The following PCDHGA10 variants were observed in gnomAD, a reference collection of about 807,000 sequenced individuals.
PCDHGA10 encodes protocadherin gamma subfamily A, 10, also known as protocadherin gamma-A10.
Under a neutral mutation model 59.5 loss-of-function variants are expected in PCDHGA10, and 42 were observed. The ratio of observed to expected loss-of-function variants is 0.71; its 90% CI spans 0.55 to 0.91. PCDHGA10 has a LOEUF of 0.91. Ranked by LOEUF, PCDHGA10 falls within the 40% of genes least tolerant of loss-of-function variation. The pLI, the probability that PCDHGA10 is intolerant of heterozygous loss-of-function variation, is 0.00. For synonymous variants in PCDHGA10, 511 were observed against 517.2 expected (o/e 0.99, Z 0.16); for missense variants, 1,111 against 1,198.2 (o/e 0.93, Z 1.07).
Position 141,432,826 on chromosome 5 carries a change from CACTCTGTACCT to C in PCDHGA10, c.2436+17216_2436+17226del, listed in dbSNP as rs1251102522. 6.2e-7 allele frequency: 1 copy of C among 1,614,096 alleles called. No homozygotes were observed. Among genetic ancestry groups the C allele is most frequent in the Non-Finnish European group, 8.5e-7 (1 of 1,180,020 alleles). On this transcript the variant is annotated intron_variant, in intron 1 of 3. Coordinates refer to ENST00000398610, the MANE Select transcript of PCDHGA10 (RefSeq NM_018913.3). This position sits in a 1 kb window ranked among gnomAD's most constrained non-coding sequence, Gnocchi z 6.0. Reference sequence around the variant, plus strand: ...CAGCTAACTCTGAAACCTCAGACCTCACTCTGTACCTGGTGGTAGCGGTGGCCGCGGTCTCC... The same window carrying C: ...CAGCTAACTCTGAAACCTCAGACCTCGGTGGTAGCGGTGGCCGCGGTCTCC...
chr5:141,417,528 A>G, intron 1 of PCDHGA10: 1 of 277,368 alleles, frequency 3.6e-6, no homozygotes, highest in Non-Finnish European at 6.7e-6. Context: ...GTCAACTCGT[A>G]GTTTAAAAAA....
At position 141,487,444 on chromosome 5, in the gene PCDHGA10, T is replaced by G; in HGVS notation, c.2437-7363T>G. 1 of 1,614,194 alleles carries G rather than the reference T, an allele frequency of 6.2e-7. No individual in the cohort carries two copies. The highest frequency in any genetic ancestry group is 8.5e-7 in the Non-Finnish European group (1 of 1,180,040). ...TCCTCCGAATCCAGCTAGGGTCAGA[T>G]GACCCTATCAAGTTTGTTGATGTGG... On this transcript the variant is annotated intron_variant, in intron 1 of 3. Transcript: ENST00000398610. This position sits in a 1 kb window ranked among gnomAD's most constrained non-coding sequence, Gnocchi z 5.0.
Position 141,486,734 on chromosome 5 carries a change from C to A in PCDHGA10, c.2437-8073C>A. ...CCAGACAGGAGCTGTTCATGCTACT[C>A]GATCCTTTGACTATGAGCAAACCCA... On this transcript the variant is annotated intron_variant, in intron 1 of 3. Transcript: ENST00000398610. The surrounding 1 kb of genome is among the most constrained non-coding windows in gnomAD (Gnocchi z 5.0). The A allele has an allele frequency of 1.2e-6, 2 of 1,614,188 alleles. No homozygotes were observed. Among genetic ancestry groups the A allele is most frequent in the Non-Finnish European group, 1.7e-6 (2 of 1,180,040 alleles).
Position 141,432,949 on chromosome 5 carries a change from C to T in PCDHGA10, c.2436+17338C>T. 1.2e-6 allele frequency: 2 copies of T among 1,614,184 alleles called. No homozygotes were observed. Among genetic ancestry groups the T allele is most frequent in the Non-Finnish European group, 1.7e-6 (2 of 1,180,040 alleles). On this transcript the variant is annotated intron_variant, in intron 1 of 3. Coordinates refer to ENST00000398610, the MANE Select transcript of PCDHGA10 (RefSeq NM_018913.3). This position sits in a 1 kb window ranked among gnomAD's most constrained non-coding sequence, Gnocchi z 6.0. Reference sequence around the variant, plus strand: ...CACGCCTGCTGCAGGCTTCAGGAGGCGGCTTGACAGGAGCGCCGGCGTCGC... The same window carrying T: ...CACGCCTGCTGCAGGCTTCAGGAGGTGGCTTGACAGGAGCGCCGGCGTCGC...
At position 141,431,808 on chromosome 5, in the gene PCDHGA10, C is replaced by A. The variant is rs2097419249; in HGVS notation, c.2436+16197C>A. Reference sequence around the variant, plus strand: ...GACAATGCCCCAGAAGTGGTCCTCACCTCTCTCGCCAGCTCGGTTCCCGAA... The same window carrying A: ...GACAATGCCCCAGAAGTGGTCCTCAACTCTCTCGCCAGCTCGGTTCCCGAA... On this transcript the variant is annotated intron_variant, in intron 1 of 3. Transcript: ENST00000398610. The surrounding 1 kb of genome is among the most constrained non-coding windows in gnomAD (Gnocchi z 4.8). The A allele has an allele frequency of 6.2e-7, 1 of 1,614,236 alleles. No individual in the cohort carries two copies. Among genetic ancestry groups the A allele is most frequent in the Non-Finnish European group, 8.5e-7 (1 of 1,180,040 alleles).
At chr5:141,503,554 G>A (rs1395044357) in intron 2 of PCDHGA10, among the ~76,000 whole-genome samples, 11 of 149,146 alleles carry the variant, frequency 7.4e-5, no homozygotes, top group East Asian at 3.9e-4. Flanking sequence ...AGCCGAGATC[G>A]CGCCACTGTA....
intron 1 of PCDHGA10, among the ~76,000 whole-genome samples, chr5:141,448,617 T>C (rs1318664360): frequency 2.0e-5 from 3 of 152,150 alleles, no homozygotes; most frequent in Non-Finnish European, 2.9e-5. Flanking sequence ...ACTTTATATC[T>C]TCCTTTCTTC....
chr5:141,474,169 T>C (rs1268235616), intron 1 of PCDHGA10, among the ~76,000 whole-genome samples: 2 of 152,232 alleles, frequency 1.3e-5, no homozygotes, highest in Non-Finnish European at 2.9e-5. Context: ...GGCCTTATTA[T>C]TGAGAAAACT....
chr5:141,426,276 C>A, intron 1 of PCDHGA10: 1 of 164,340 alleles, frequency 6.1e-6, no homozygotes, highest in South Asian at 1.6e-4. Context: ...TGCAGCAACG[C>A]ATGGGAAGGA....
Position 141,414,590 on chromosome 5 carries a change from G to A in PCDHGA10, c.1415G>A (p.Gly472Asp). 1 of 1,613,936 alleles carries A rather than the reference G, an allele frequency of 6.2e-7. No individual in the cohort carries two copies. Among genetic ancestry groups the A allele is most frequent in the Non-Finnish European group, 8.5e-7 (1 of 1,179,876 alleles). ...TATATCCCAGAGAACAACGCCAGGG[G>A]TGCCTCCATCTTCTCAGTGACAGCG... ...FTYIPENNAR[G>D]ASIFSVTALD... Residue 472 changes from glycine to aspartate, a missense_variant, in exon 1 of 4, where the codon GGT becomes GAT. By Grantham distance (94) the Gly-to-Asp change is moderately conservative (BLOSUM62 -1). Coordinates refer to ENST00000398610, the MANE Select transcript of PCDHGA10 (RefSeq NM_018913.3).
chr5:141,500,461 G>A (rs1343646600), intron 2 of PCDHGA10, among the ~76,000 whole-genome samples: 1 of 151,910 alleles, frequency 6.6e-6, no homozygotes, highest in Non-Finnish European at 1.5e-5. Flanking sequence ...CGCCCGCCTC[G>A]GCCTCCCAAA....
rs1048081343 is a variant in PCDHGA10 at position 141,432,618 on chromosome 5, G to C, written c.2436+17007G>C. 6.2e-7 allele frequency: 1 copy of C among 1,612,806 alleles called. No individual in the cohort carries two copies. Among genetic ancestry groups the C allele is most frequent in the South Asian group, 1.1e-5 (1 of 90,950 alleles). ...AGCGAGCCGGGACTCTTCTCGGTGG[G>C]TCTGCACACGGGCGAGGTGCGCACG... On this transcript the variant is annotated intron_variant, in intron 1 of 3. Transcript: ENST00000398610. The surrounding 1 kb of genome is among the most constrained non-coding windows in gnomAD (Gnocchi z 6.0).
At chr5:141,419,419 C>T (rs767018815) in intron 1 of PCDHGA10, 1 of 1,613,266 alleles carries the variant, frequency 6.2e-7, no homozygotes, top group Non-Finnish European at 8.5e-7. Flanking sequence ...AGCGCGCCTT[C>T]GACCACGAGC....
intron 1 of PCDHGA10, chr5:141,419,409 A>G: frequency 6.2e-7 from 1 of 1,613,462 alleles, no homozygotes; most frequent in Non-Finnish European, 8.5e-7. Flanking sequence ...GTGTTCGCGC[A>G]GCGCGCCTTC....
Position 141,487,552 on chromosome 5 carries a change from A to C in PCDHGA10, c.2437-7255A>C. On this transcript the variant is annotated intron_variant, in intron 1 of 3. Coordinates refer to ENST00000398610, the MANE Select transcript of PCDHGA10 (RefSeq NM_018913.3). The surrounding 1 kb of genome is among the most constrained non-coding windows in gnomAD (Gnocchi z 5.0). ...TCATGATGGTGAAGTCACCCAGTGC[A>C]CCTATGGCAGGGGAGCCTGTTCGCC... is the stretch of plus-strand genomic sequence containing the variant. 2 of 1,614,116 alleles carry C rather than the reference A, an allele frequency of 1.2e-6. No homozygotes were observed. The highest frequency in any genetic ancestry group is 1.7e-6 in the Non-Finnish European group (2 of 1,180,024).
At position 141,447,890 on chromosome 5, in the gene PCDHGA10, A is replaced by AC. The variant is rs1252174829; in HGVS notation, c.2436+32279_2436+32280insC. On this transcript the variant is annotated intron_variant, in intron 1 of 3. Transcript: ENST00000398610. ...CATCTGAGGTCAGGAGTTCGAGACCAGCCTGGCCAACATGGTGAAACTCTG... is the reference window on the plus strand; with the variant it reads ...CATCTGAGGTCAGGAGTTCGAGACCACGCCTGGCCAACATGGTGAAACTCTG... 1.3e-5 allele frequency among the ~76,000 whole-genome samples: 2 copies of AC among 152,146 alleles called. 1 individual carries two copies. The highest frequency in any genetic ancestry group is 4.8e-5 in the African/African-American group (2 of 41,434).
At chr5:141,473,229 T>G (rs891825934) in intron 1 of PCDHGA10, among the ~76,000 whole-genome samples, 8 of 152,160 alleles carry the variant, frequency 5.3e-5, no homozygotes, top group Admixed American at 1.3e-4. Context: ...GGAGATTGGA[T>G]CCACACAAGT....
Position 141,432,016 on chromosome 5 carries a change from C to T in PCDHGA10, c.2436+16405C>T, listed in dbSNP as rs771650925. The T allele has an allele frequency of 1.2e-6, 2 of 1,614,202 alleles. No homozygotes were observed. The highest frequency in any genetic ancestry group is 3.3e-5 in the Admixed American group (2 of 60,030). On this transcript the variant is annotated intron_variant, in intron 1 of 3. Coordinates refer to ENST00000398610, the MANE Select transcript of PCDHGA10 (RefSeq NM_018913.3). This position sits in a 1 kb window ranked among gnomAD's most constrained non-coding sequence, Gnocchi z 6.0. ...ATAGGGAACAGGTTCCTAGCTACAA[C>T]ATCACAGTGACCGCCACTGACCGGG...
intron 1 of PCDHGA10, chr5:141,418,513 G>T (rs377653202): frequency 1.1e-4 from 173 of 1,613,842 alleles, no homozygotes; most frequent in Non-Finnish European, 1.2e-4. Flanking sequence ...TAGATGGTGG[G>T]GACCCTCCCC....
Sources: allele counts gnomAD v4.1 joint callset (sites outside exome capture counted in the v4.1 genomes callset), GRCh38; gene constraint gnomAD v4.1.1; non-coding constraint Gnocchi (gnomAD v3.1); transcripts MANE v1.5; gene names NCBI Gene and HGNC (gene_info 2026-07-23, HGNC 2026-07-21).